Variants in NEDD4L observed in about 807,000 individuals in gnomAD.
The protein encoded by NEDD4L is NEDD4 like E3 ubiquitin protein ligase, also known as E3 ubiquitin-protein ligase NEDD4-like.
A neutral mutation model predicts 148.9 loss-of-function variants in NEDD4L; 54 were observed. The observed-to-expected ratio is 0.36, with a 90% confidence interval of 0.29 to 0.45. NEDD4L has a LOEUF of 0.45. Ranked by LOEUF, NEDD4L falls within the 20% of genes least tolerant of loss-of-function variation. NEDD4L has a pLI of 1.00. For synonymous variants in NEDD4L, 433 were observed against 440.7 expected (o/e 0.98, Z 0.22); for missense variants, 856 against 1,233.8 (o/e 0.69, Z 4.59).
intron 11 of NEDD4L, among the ~76,000 whole-genome samples, chr18:58,331,680 C>G (rs1470060624): frequency 1.3e-5 from 2 of 152,062 alleles, no homozygotes; most frequent in East Asian, 3.9e-4. Context: ...CTCAGTGTTT[C>G]TCAAGAAACT....
chr18:58,240,784 C>T (rs1024066184), intron 2 of NEDD4L, among the ~76,000 whole-genome samples: 7 of 151,870 alleles, frequency 4.6e-5, no homozygotes, highest in Non-Finnish European at 4.4e-5. Flanking sequence ...GACAACTCCA[C>T]GATGAGGAGG....
intron 5 of NEDD4L, among the ~76,000 whole-genome samples, chr18:58,275,169 A>C (rs1299631949): frequency 6.6e-6 from 1 of 152,184 alleles, no homozygotes; most frequent in African/African-American, 2.4e-5. Context: ...TGTTATAAAA[A>C]TTAAATACTG....
chr18:58,182,879 T>C (rs957722594), intron 2 of NEDD4L, among the ~76,000 whole-genome samples: 1 of 152,230 alleles, frequency 6.6e-6, no homozygotes, highest in South Asian at 2.1e-4. Context: ...CATTCCTTTA[T>C]TTTAAGTGTT....
intron 6 of NEDD4L, among the ~76,000 whole-genome samples, chr18:58,316,758 A>G (rs765659594): frequency 6.6e-6 from 1 of 152,184 alleles, no homozygotes; most frequent in Non-Finnish European, 1.5e-5. Flanking sequence ...CCCATCTCCT[A>G]TTCCAGCTTC....
chr18:58,306,365 T>C (rs995562013), intron 5 of NEDD4L, among the ~76,000 whole-genome samples: 2 of 152,186 alleles, frequency 1.3e-5, no homozygotes, highest in African/African-American at 4.8e-5. Context: ...CATACGTTAC[T>C]CATTTCATTT....
chr18:58,284,307 G>A (rs1398620667), intron 5 of NEDD4L, among the ~76,000 whole-genome samples: 2 of 152,178 alleles, frequency 1.3e-5, no homozygotes, highest in African/African-American at 4.8e-5. Context: ...CCAACATGAT[G>A]TCTAATGCTG....
chr18:58,077,649 G>T (rs1599105723), intron 1 of NEDD4L, among the ~76,000 whole-genome samples: 1 of 152,150 alleles, frequency 6.6e-6, no homozygotes, highest in African/African-American at 2.4e-5. Flanking sequence ...ACTTTGAAAA[G>T]CTCCCAAGTG....
At chr18:58,112,115 T>C (rs974627759) in intron 1 of NEDD4L, among the ~76,000 whole-genome samples, 1 of 152,254 alleles carries the variant, frequency 6.6e-6, no homozygotes, top group African/African-American at 2.4e-5. Context: ...TTTGGCTGTT[T>C]ATGAGGATTT....
chr18:58,352,231 A>G (rs528474221), intron 18 of NEDD4L, among the ~76,000 whole-genome samples: 49 of 152,242 alleles, frequency 3.2e-4, no homozygotes, highest in Non-Finnish European at 5.6e-4. Flanking sequence ...TAGTAAGCAT[A>G]AAGTATTTTT....
chr18:58,339,114 G>A (rs1601442094), intron 13 of NEDD4L, among the ~76,000 whole-genome samples: 1 of 151,974 alleles, frequency 6.6e-6, no homozygotes, highest in African/African-American at 2.4e-5. Flanking sequence ...TTCCAGGGGC[G>A]GGGCCAGGGG....
At chr18:58,345,067 T>C (rs967212851) in intron 16 of NEDD4L, among the ~76,000 whole-genome samples, 5 of 152,280 alleles carry the variant, frequency 3.3e-5, no homozygotes, top group African/African-American at 9.6e-5. Flanking sequence ...GAAACCCATT[T>C]TTACTTTCCA....
chr18:58,221,788 T>C (rs972745030), intron 2 of NEDD4L: 3 of 861,514 alleles, frequency 3.5e-6, no homozygotes, highest in East Asian at 2.4e-4. Flanking sequence ...GTATGTTTGC[T>C]ATATGAATGC....
intron 19 of NEDD4L, among the ~76,000 whole-genome samples, chr18:58,358,513 A>C (rs191892792): frequency 2.4e-4 from 36 of 152,282 alleles, no homozygotes; most frequent in African/African-American, 8.4e-4. Context: ...TTTTCAAAAT[A>C]TTTTTATCAC....
intron 2 of NEDD4L, among the ~76,000 whole-genome samples, chr18:58,176,239 G>T (rs1027041180): frequency 1.3e-5 from 2 of 151,494 alleles, no homozygotes; most frequent in Non-Finnish European, 2.9e-5. Context: ...CTCTGTCCCT[G>T]TCCCTCTCTC....
chr18:58,328,439 C>T (rs2059503756), intron 9 of NEDD4L, among the ~76,000 whole-genome samples: 1 of 152,174 alleles, frequency 6.6e-6, no homozygotes, highest in Middle Eastern at 3.2e-3. Context: ...TGCAGTGTCA[C>T]GATTTTGAGA....
intron 1 of NEDD4L, among the ~76,000 whole-genome samples, chr18:58,050,050 T>G (rs1472806397): frequency 6.6e-6 from 1 of 151,972 alleles, no homozygotes; most frequent in Non-Finnish European, 1.5e-5. Context: ...CTGTGGAATT[T>G]GTAGACATTG....
intron 25 of NEDD4L, among the ~76,000 whole-genome samples, chr18:58,384,106 CA>C (rs2048699009): frequency 6.6e-6 from 1 of 152,178 alleles, no homozygotes; most frequent in South Asian, 2.1e-4. Context: ...TTCGTTTCAA[CA>C]GGCTAGGCTC....
At chr18:58,316,127 C>A in intron 6 of NEDD4L, 95 bp downstream of exon 6, 1 of 1,023,556 alleles carries the variant, frequency 9.8e-7, no homozygotes, top group Non-Finnish European at 1.5e-6. Context: ...TTCTTCACCA[C>A]GGTGAAGAAG....
chr18:58,082,461 G>A (rs1376806851), intron 1 of NEDD4L, among the ~76,000 whole-genome samples: 2 of 151,244 alleles, frequency 1.3e-5, no homozygotes, highest in Non-Finnish European at 2.9e-5. Flanking sequence ...AAATCTATAA[G>A]CATTTTCTTT....
Sources: allele counts gnomAD v4.1 joint callset (sites outside exome capture counted in the v4.1 genomes callset), GRCh38; gene constraint gnomAD v4.1.1; transcripts MANE v1.5; gene names NCBI Gene and HGNC (gene_info 2026-07-23, HGNC 2026-07-21).